The following FAM81B variants were observed in gnomAD, a reference collection of about 807,000 sequenced individuals.
FAM81B encodes protein FAM81B.
Under a neutral mutation model 58.7 loss-of-function variants are expected in FAM81B, and 60 were observed. The ratio of observed to expected loss-of-function variants is 1.02; its 90% confidence interval spans 0.83 to 1.27. The LOEUF is 1.27. Among genes scored for constraint, FAM81B ranks in the 50% most tolerant of loss-of-function variants. The probability of loss-of-function intolerance (pLI) is 0.00; values close to 1 mark genes in which losing one functional copy is unlikely to be tolerated. For missense variants in FAM81B, 491 were observed against 522.0 expected (o/e 0.94, Z 0.58); for synonymous variants, 189 against 179.6 (o/e 1.05, Z -0.42).
rs531933626 is a variant in FAM81B, at chr5:95,429,090, T to G, written c.786+358T>G. On this transcript the variant is annotated intron_variant, in intron 6 of 9. Transcript: ENST00000283357. The stretch of plus-strand genomic sequence containing the variant: ...CCATGGAAGCTATTATTATTAAAAG[T>G]CCAACATAAATGTGAATTGTTCATG... 5.3e-5 allele frequency among the ~76,000 whole-genome samples: 8 copies of G among 152,290 alleles called. No homozygotes were observed. In the East Asian group the frequency reaches 5.8e-4, roughly 11 times the overall value.
At position 95,418,676 on chromosome 5, in the gene FAM81B, C is replaced by G. The variant is rs59483604; in HGVS notation, c.538-1608C>G. Reference sequence around the variant, plus strand: ...GTTCAGTACTATATGAGGTTTTGGGCATCCACTGGGGGTCTTAGAACGTAT... The same window carrying G: ...GTTCAGTACTATATGAGGTTTTGGGGATCCACTGGGGGTCTTAGAACGTAT... On this transcript the variant is annotated intron_variant, in intron 4 of 9. Coordinates refer to ENST00000283357, the MANE Select transcript of FAM81B (RefSeq NM_152548.3). Among the ~76,000 whole-genome samples the G allele has an allele frequency of 2.3e-3, 357 of 152,232 alleles. 6 individuals carry two copies. Among genetic ancestry groups the G allele is most frequent in the Admixed American group, 0.018 (273 of 15,278 alleles).
chr5:95,417,808 C>T (rs1275369226), intron 4 of FAM81B, among the ~76,000 whole-genome samples: 2 of 152,206 alleles, frequency 1.3e-5, no homozygotes, highest in African/African-American at 2.4e-5. Flanking sequence ...AATCCACTTT[C>T]ACATACGGCT....
At chr5:95,392,927 G>T (rs2546097) in intron 2 of FAM81B, 30 bp downstream of exon 2, 1,148,451 of 1,552,740 alleles carry the variant, frequency 0.74, 427,457 homozygotes, top group African/African-American at 0.95. Context: ...CACATTAAAA[G>T]TAGAATACTT....
At chr5:95,399,189 G>C (rs762789121) in intron 3 of FAM81B, among the ~76,000 whole-genome samples, 1 of 152,144 alleles carries the variant, frequency 6.6e-6, no homozygotes. Flanking sequence ...AAGTCAAATG[G>C]GCAAAATAAT....
intron 3 of FAM81B, among the ~76,000 whole-genome samples, chr5:95,412,567 T>C (rs1762432797): frequency 6.6e-6 from 1 of 152,198 alleles, no homozygotes. Flanking sequence ...CTTGTCTGAA[T>C]TTTTCACCAT....
Position 95,392,837 on chromosome 5 carries a change from G to A in FAM81B, c.168G>A (p.Glu56=). 6.2e-7 allele frequency: 1 copy of A among 1,612,438 alleles called. No homozygotes were observed. The highest frequency in any genetic ancestry group is 8.5e-7 in the Non-Finnish European group (1 of 1,179,362). ...NKSASPTATA[E]EQPVEPDGPL... ...GTGCCTCTCCAACTGCGACTGCAGA[G>A]GAACAGCCAGTTGAACCTGATGGCC... The change falls in exon 2 of 10, where the codon GAG becomes GAA. Residue 56 remains glutamate, a synonymous_variant. Transcript: ENST00000283357.
intron 3 of FAM81B, among the ~76,000 whole-genome samples, chr5:95,407,398 A>ACACACACACACG (rs1297313637): frequency 8.7e-5 from 13 of 150,100 alleles, no homozygotes; most frequent in African/African-American, 2.7e-4. Context: ...TTTTACACAC[A>ACACACACACACG]CACACACACA....
chr5:95,407,184 A>G (rs1191436849), intron 3 of FAM81B, among the ~76,000 whole-genome samples: 1 of 152,032 alleles, frequency 6.6e-6, no homozygotes, highest in East Asian at 1.9e-4. Context: ...ATGGGGTAGG[A>G]GCCAAGGTGA....
In FAM81B at chr5:95,448,310, T is replaced by C; in HGVS notation, c.1071T>C (p.Leu357=). The C allele has an allele frequency of 6.2e-7, 1 of 1,608,072 alleles. No individual in the cohort carries two copies. The highest frequency in any genetic ancestry group is 2.2e-5 in the East Asian group (1 of 44,738). Residue 357 remains leucine, a synonymous_variant, in exon 9 of 10, where the codon CTT becomes CTC. Coordinates refer to ENST00000283357, the MANE Select transcript of FAM81B (RefSeq NM_152548.3). The part of the protein sequence containing the change: ...ENKMEEKLLQ[L]SSKVENFINT... ...AAATGGAAGAAAAACTGCTGCAGCT[T>C]TCAAGCAAAGTAGAGAATTTCATTA...
At chr5:95,430,302 G>A (rs1025124699) in intron 6 of FAM81B, among the ~76,000 whole-genome samples, 5 of 151,326 alleles carry the variant, frequency 3.3e-5, no homozygotes, top group African/African-American at 1.2e-4. Context: ...GTCAATTGTG[G>A]ATGCATTCAG....
intron 6 of FAM81B, among the ~76,000 whole-genome samples, chr5:95,436,530 T>C (rs971555251): frequency 4.6e-5 from 7 of 152,202 alleles, no homozygotes; most frequent in Non-Finnish European, 7.3e-5. Context: ...TGTTATATCA[T>C]TAGATGGCCT....
At chr5:95,402,297 GC>G (rs1328697011) in intron 3 of FAM81B, among the ~76,000 whole-genome samples, 2 of 152,084 alleles carry the variant, frequency 1.3e-5, no homozygotes, top group African/African-American at 4.8e-5. Flanking sequence ...TGTCCTTGTG[GC>G]AATGCAAATA....
intron 6 of FAM81B, among the ~76,000 whole-genome samples, chr5:95,432,419 T>C (rs1167890434): frequency 6.6e-6 from 1 of 152,162 alleles, no homozygotes; most frequent in Non-Finnish European, 1.5e-5. Context: ...TTCTTATTTT[T>C]CTATGTTCTG....
intron 3 of FAM81B, among the ~76,000 whole-genome samples, chr5:95,405,475 C>T (rs920983807): frequency 5.9e-5 from 9 of 151,918 alleles, no homozygotes; most frequent in Non-Finnish European, 1.0e-4. Context: ...TTACTTTTTA[C>T]GTTTTCTAGT....
intron 4 of FAM81B, among the ~76,000 whole-genome samples, chr5:95,417,412 G>T (rs1407466360): frequency 1.3e-5 from 2 of 152,126 alleles, no homozygotes; most frequent in Non-Finnish European, 2.9e-5. Flanking sequence ...TGATCCCAGT[G>T]GTTTAGGGGG....
chr5:95,405,849 G>C (rs1241771558), intron 3 of FAM81B, among the ~76,000 whole-genome samples: 2 of 152,160 alleles, frequency 1.3e-5, no homozygotes, highest in East Asian at 1.9e-4. Context: ...GGAAGAAGCA[G>C]GTTTAGGAGA....
At chr5:95,403,608 A>T (rs1435101204) in intron 3 of FAM81B, among the ~76,000 whole-genome samples, 1 of 152,210 alleles carries the variant, frequency 6.6e-6, no homozygotes, top group East Asian at 1.9e-4. Context: ...TCAGAACATC[A>T]TTAAGCAGCC....
chr5:95,394,035 T>C (rs989297639), intron 2 of FAM81B, among the ~76,000 whole-genome samples: 15 of 152,310 alleles, frequency 9.8e-5, no homozygotes, highest in African/African-American at 3.4e-4. Flanking sequence ...AAAAATTACA[T>C]TTAAAAAATT....
At chr5:95,440,208 G>T in intron 7 of FAM81B, 2 of 644,548 alleles carry the variant, frequency 3.1e-6, no homozygotes, top group South Asian at 2.8e-5. Flanking sequence ...AGAAGCTATT[G>T]ACTGGCTTCT....
Sources: allele counts gnomAD v4.1 joint callset (sites outside exome capture counted in the v4.1 genomes callset), GRCh38; gene constraint gnomAD v4.1.1; transcripts MANE v1.5; gene names NCBI Gene and HGNC (gene_info 2026-07-23, HGNC 2026-07-21).